LRRC1: variants seen among roughly 807,000 people sequenced by gnomAD.
LRRC1 encodes the protein leucine rich repeat containing 1.
In LRRC1, 28 loss-of-function variants were observed where a neutral mutation model predicts 69.9. The ratio of observed to expected loss-of-function variants is 0.40; its 90% confidence interval spans 0.30 to 0.55. The LOEUF is 0.55. Among genes scored for constraint, LRRC1 ranks in the 20% least tolerant of loss-of-function variants. The pLI is 0.47. For missense variants in LRRC1, 498 were observed against 609.0 expected (o/e 0.82, Z 1.92); for synonymous variants, 236 against 240.2 (o/e 0.98, Z 0.16).
chr6:53,862,514 T>C (rs1388059359), intron 2 of LRRC1, among the ~76,000 whole-genome samples: 1 of 152,196 alleles, frequency 6.6e-6, no homozygotes, highest in East Asian at 1.9e-4. Flanking sequence ...CAACTCCGTG[T>C]GGGAGGAAAA....
chr6:53,825,324 T>G (rs1368974250), intron 1 of LRRC1, among the ~76,000 whole-genome samples: 1 of 152,174 alleles, frequency 6.6e-6, no homozygotes, highest in Non-Finnish European at 1.5e-5. Flanking sequence ...GTGACCAAGT[T>G]ATAAAATTTG....
At chr6:53,838,501 G>A (rs534059377) in intron 1 of LRRC1, among the ~76,000 whole-genome samples, 1 of 152,266 alleles carries the variant, frequency 6.6e-6, no homozygotes, top group South Asian at 2.1e-4. Flanking sequence ...TTTCTGAATG[G>A]TCCCAGAATG....
chr6:53,825,281 G>T lies in LRRC1; in HGVS notation c.160-16829G>T, dbSNP rs1004173180. Among the ~76,000 whole-genome samples the T allele has an allele frequency of 2.0e-5, 3 of 152,176 alleles. No homozygotes were observed. In the East Asian group the frequency reaches 5.8e-4, roughly 29 times the overall value. ...GGAGGTGTGCACTTTGGATGTTTTT[G>T]TAGGTCTAGGCAGAGGAATACATCT... On this transcript the variant is annotated intron_variant, in intron 1 of 13. Coordinates refer to ENST00000370888, the MANE Select transcript of LRRC1 (RefSeq NM_018214.5).
chr6:53,804,656 T>C (rs1385894099), intron 1 of LRRC1, among the ~76,000 whole-genome samples: 1 of 152,262 alleles, frequency 6.6e-6, no homozygotes, highest in Non-Finnish European at 1.5e-5. Context: ...TTCCTATTAC[T>C]GAATATTTAA....
intron 2 of LRRC1, among the ~76,000 whole-genome samples, chr6:53,859,152 T>C (rs1766414331): frequency 6.6e-6 from 1 of 152,118 alleles, no homozygotes; most frequent in African/African-American, 2.4e-5. Flanking sequence ...TCTGTAGGTT[T>C]GAAAGGGAAG....
chr6:53,813,001 T>G (rs1296371194), intron 1 of LRRC1, among the ~76,000 whole-genome samples: 1 of 152,066 alleles, frequency 6.6e-6, no homozygotes, highest in African/African-American at 2.4e-5. Context: ...TGGGTGCTGG[T>G]TCTACCTATG....
At chr6:53,851,532 A>G (rs539963988) in intron 2 of LRRC1, among the ~76,000 whole-genome samples, 1 of 152,308 alleles carries the variant, frequency 6.6e-6, no homozygotes, top group East Asian at 1.9e-4. Flanking sequence ...GATGCCCACT[A>G]CATTGGGCAG....
intron 1 of LRRC1, among the ~76,000 whole-genome samples, chr6:53,828,438 A>G (rs1005779299): frequency 3.3e-5 from 5 of 152,214 alleles, no homozygotes; most frequent in African/African-American, 7.2e-5. Context: ...CCGTTTTCCA[A>G]TATGTACAGC....
chr6:53,910,452 T>C (rs933466155), intron 10 of LRRC1, among the ~76,000 whole-genome samples: 23 of 152,200 alleles, frequency 1.5e-4, no homozygotes, highest in Non-Finnish European at 2.2e-4. Context: ...TTATTATTAA[T>C]ACAAAATGTC....
chr6:53,812,843 C>G (rs144774871), intron 1 of LRRC1, among the ~76,000 whole-genome samples: 1 of 151,366 alleles, frequency 6.6e-6, no homozygotes, highest in Non-Finnish European at 1.5e-5. Context: ...GCATGGGGTG[C>G]CTTGGGGGTA....
intron 2 of LRRC1, among the ~76,000 whole-genome samples, chr6:53,852,481 A>G (rs556252956): frequency 6.6e-6 from 1 of 152,178 alleles, no homozygotes; most frequent in African/African-American, 2.4e-5. Flanking sequence ...CTGCTTCACC[A>G]CATGTGTCAT....
At chr6:53,892,542 A>G (rs776979374) in intron 4 of LRRC1, among the ~76,000 whole-genome samples, 1 of 152,158 alleles carries the variant, frequency 6.6e-6, no homozygotes, top group Non-Finnish European at 1.5e-5. Context: ...GCTCAGGAGC[A>G]TGTTCCTTAT....
chr6:53,889,316 G>C (rs1338030405), intron 4 of LRRC1, among the ~76,000 whole-genome samples: 1 of 151,998 alleles, frequency 6.6e-6, no homozygotes, highest in African/African-American at 2.4e-5. Context: ...CCTTAAAATT[G>C]AACATAGTTA....
At chr6:53,803,747 A>T (rs1227153677) in intron 1 of LRRC1, among the ~76,000 whole-genome samples, 1 of 151,842 alleles carries the variant, frequency 6.6e-6, no homozygotes, top group Non-Finnish European at 1.5e-5. Flanking sequence ...GTTTCTAAAA[A>T]CCCCAAGGAA....
At chr6:53,920,324 A>T (rs1264682537) in intron 12 of LRRC1, among the ~76,000 whole-genome samples, 1 of 152,242 alleles carries the variant, frequency 6.6e-6, no homozygotes, top group African/African-American at 2.4e-5. Flanking sequence ...ACTCTAAATT[A>T]TGACATTCTG....
intron 2 of LRRC1, among the ~76,000 whole-genome samples, chr6:53,873,947 C>G (rs1766983480): frequency 1.3e-5 from 2 of 152,174 alleles, no homozygotes; most frequent in South Asian, 4.1e-4. Context: ...TAGACTGCTC[C>G]TCAGAACCAG....
intron 2 of LRRC1, among the ~76,000 whole-genome samples, chr6:53,868,086 T>C (rs1026984338): frequency 6.6e-6 from 1 of 152,164 alleles, no homozygotes; most frequent in Non-Finnish European, 1.5e-5. Context: ...AGTATTAGTA[T>C]ACTAACTATA....
intron 1 of LRRC1, among the ~76,000 whole-genome samples, chr6:53,799,867 A>G (rs991341309): frequency 1.3e-5 from 2 of 152,014 alleles, no homozygotes; most frequent in African/African-American, 4.8e-5. Flanking sequence ...TCTTCTCTCC[A>G]TTTTGTTGCC....
intron 3 of LRRC1, among the ~76,000 whole-genome samples, chr6:53,879,573 C>T (rs1198398780): frequency 6.6e-6 from 1 of 152,114 alleles, no homozygotes; most frequent in African/African-American, 2.4e-5. Flanking sequence ...CCGGAGCCAC[C>T]TCGCCCAGCC....
Sources: allele counts gnomAD v4.1 joint callset (sites outside exome capture counted in the v4.1 genomes callset), GRCh38; gene constraint gnomAD v4.1.1; transcripts MANE v1.5; gene names NCBI Gene and HGNC (gene_info 2026-07-23, HGNC 2026-07-21).